Variants in RBM44 observed in about 807,000 individuals in gnomAD.
The protein encoded by RBM44 is RNA-binding protein 44.
In RBM44, 66 loss-of-function variants were observed where a neutral mutation model predicts 105.1. The observed-to-expected ratio is 0.63, with a 90% CI of 0.52 to 0.77. The LOEUF (loss-of-function observed/expected upper bound fraction) is 0.77, where lower values mean the gene tolerates loss of function less well. Ranked by LOEUF, RBM44 falls within the 30% of genes least tolerant of loss-of-function variation. The pLI, the probability that RBM44 is intolerant of heterozygous loss-of-function variation, is 0.00. For synonymous variants in RBM44, 365 were observed against 417.6 expected (o/e 0.87, Z 1.54); for missense variants, 1,122 against 1,207.8 (o/e 0.93, Z 1.05).
chr2:237,804,594 C>T (rs1048866734), intron 1 of RBM44, among the ~76,000 whole-genome samples: 5 of 152,094 alleles, frequency 3.3e-5, no homozygotes, highest in East Asian at 1.9e-4. Flanking sequence ...TCTCTTGAGA[C>T]GTGTCTGTTT....
intron 15 of RBM44, among the ~76,000 whole-genome samples, chr2:237,840,712 C>T (rs1248551145): frequency 6.6e-6 from 1 of 151,976 alleles, no homozygotes; most frequent in African/African-American, 2.4e-5. Context: ...CTGTAAGGAA[C>T]TTAAATTAAC....
rs769555509 is a variant in RBM44, at chr2:237,813,597, A to G, written c.-13A>G. ...AATATTTATACCTTTTCTAGATTATATATCTTTGAATGATGCAGGCCACTG... is the reference window on the plus strand; with the variant it reads ...AATATTTATACCTTTTCTAGATTATGTATCTTTGAATGATGCAGGCCACTG... On this transcript the variant is annotated 5_prime_UTR_variant, in exon 2 of 16. In the 5' UTR this introduces an upstream ATG that the reference lacks. Coordinates refer to ENST00000316997, the MANE Select transcript of RBM44 (RefSeq NM_001080504.3). 3.8e-6 allele frequency: 6 copies of G among 1,563,718 alleles called. No individual in the cohort carries two copies. Among genetic ancestry groups the G allele is most frequent in the Admixed American group, 1.7e-5 (1 of 59,594 alleles).
Position 237,818,075 on chromosome 2 carries a change from G to T in RBM44, c.1156G>T (p.Asp386Tyr). The change falls in exon 3 of 16, where the codon GAT becomes TAT. Residue 386 changes from aspartate (D) to tyrosine (Y), a missense_variant. By Grantham distance (160) the Asp-to-Tyr change is radical. This residue lies in a region of RBM44 where 918 missense variants were observed against 955.3 expected (regional missense o/e 0.96). Coordinates refer to ENST00000316997, the MANE Select transcript of RBM44 (RefSeq NM_001080504.3). The surrounding 1 kb of genome is among the most constrained non-coding windows in gnomAD (Gnocchi z 4.6). ...DCQTSWTSVF[D>Y]DSIISACGYY... ...TCAAACTTCCTGGACCTCTGTTTTT[G>T]ATGATTCGATAATTTCTGCCTGTGG... is the stretch of plus-strand genomic sequence containing the variant. 1 of 1,612,470 alleles carries T rather than the reference G, an allele frequency of 6.2e-7. No individual in the cohort carries two copies.
chr2:237,800,752 G>A (rs1309854181), intron 1 of RBM44, among the ~76,000 whole-genome samples: 2 of 145,752 alleles, frequency 1.4e-5, no homozygotes, highest in Admixed American at 6.9e-5. Flanking sequence ...TTGAGGCGGA[G>A]TTTCACTCTT....
chr2:237,810,340 A>G (rs1383032106), intron 1 of RBM44, among the ~76,000 whole-genome samples: 1 of 152,220 alleles, frequency 6.6e-6, no homozygotes. Flanking sequence ...ATATGCATTC[A>G]TTTTAACAAA....
chr2:237,820,068 A>T, intron 4 of RBM44, 107 bp from the exon 5 acceptor site: 1 of 571,096 alleles, frequency 1.8e-6, no homozygotes, highest in Non-Finnish European at 2.9e-6. Flanking sequence ...AAATTGATTT[A>T]AACTTGACAG....
At chr2:237,819,206 CA>C (rs2061756386) in intron 4 of RBM44, among the ~76,000 whole-genome samples, 1 of 152,034 alleles carries the variant, frequency 6.6e-6, no homozygotes, top group African/African-American at 2.4e-5. Context: ...TTGTTCAACC[CA>C]AATCCATACT....
At chr2:237,828,502 C>G (rs960866101) in intron 12 of RBM44, among the ~76,000 whole-genome samples, 1 of 151,896 alleles carries the variant, frequency 6.6e-6, no homozygotes, top group Non-Finnish European at 1.5e-5. Flanking sequence ...TTTTTTCTTA[C>G]TTGAAGTATT....
intron 8 of RBM44, among the ~76,000 whole-genome samples, chr2:237,822,699 G>A (rs988502697): frequency 2.0e-5 from 3 of 152,140 alleles, no homozygotes; most frequent in Admixed American, 2.0e-4. Context: ...GGTATAACCT[G>A]TTTATTTAGG....
chr2:237,834,052 C>T lies in RBM44; in HGVS notation c.2942C>T (p.Pro981Leu). The T allele has an allele frequency of 6.4e-7, 1 of 1,573,222 alleles. No homozygotes were observed. The highest frequency in any genetic ancestry group is 8.6e-7 in the Non-Finnish European group (1 of 1,156,540). ...IESAKLLPDT[P>L]VQFIPPNTLN... ...TCTGCTAAATTATTACCTGATACAC[C>T]CGTTCAATTCATACCTCCAAATACA... Residue 981 changes from proline (P) to leucine (L), a missense_variant, in exon 14 of 16, where the codon CCC becomes CTC. Transcript: ENST00000316997.
intron 12 of RBM44, among the ~76,000 whole-genome samples, chr2:237,828,294 G>A (rs2061868863): frequency 6.6e-6 from 1 of 152,050 alleles, no homozygotes; most frequent in Admixed American, 6.6e-5. Flanking sequence ...GATCCTGTTT[G>A]TAGTTGGGGT....
In RBM44 at chr2:237,829,492, C is replaced by T; in HGVS notation, c.2876C>T (p.Pro959Leu). 1.9e-6 allele frequency: 3 copies of T among 1,611,128 alleles called. No homozygotes were observed. The highest frequency in any genetic ancestry group is 2.2e-5 in the East Asian group (1 of 44,860). The change falls in exon 13 of 16, where the codon CCT (proline) becomes CTT (leucine). Residue 959 changes from proline to leucine, a missense_variant. Coordinates refer to ENST00000316997, the MANE Select transcript of RBM44 (RefSeq NM_001080504.3). The stretch of plus-strand genomic sequence containing the variant: ...TCTGAGCAAGACAGTGAGGTTTTCC[C>T]TTCCGACCAGGTTAGTGTTTTTGAT... ...LGSEQDSEVF[P>L]SDQGVKKNCK...
chr2:237,827,387 G>A (rs372759637), intron 11 of RBM44, 46 bp from the exon 12 acceptor site: 1 of 1,461,910 alleles, frequency 6.8e-7, no homozygotes, highest in East Asian at 2.4e-5. Flanking sequence ...GTTCATATTT[G>A]TTGTTTTTTT....
intron 1 of RBM44, among the ~76,000 whole-genome samples, chr2:237,799,598 G>A (rs1472561464): frequency 3.9e-5 from 6 of 152,144 alleles, no homozygotes; most frequent in African/African-American, 9.7e-5. Flanking sequence ...GAGCCACCGC[G>A]CCCGGCCAGG....
At chr2:237,816,763 C>A (rs2061721769) in intron 2 of RBM44, among the ~76,000 whole-genome samples, 1 of 152,100 alleles carries the variant, frequency 6.6e-6, no homozygotes, top group Admixed American at 6.6e-5. Flanking sequence ...CTCATGTAAA[C>A]CTAATTACCT....
rs2061882584 is a variant in RBM44 at position 237,829,492 on chromosome 2, C to A, written c.2876C>A (p.Pro959His). The A allele has an allele frequency of 5.6e-6, 9 of 1,611,128 alleles. No individual in the cohort carries two copies. Among genetic ancestry groups the A allele is most frequent in the Non-Finnish European group, 5.9e-6 (7 of 1,178,708 alleles). The change falls in exon 13 of 16, where the codon CCT becomes CAT. Residue 959 changes from proline to histidine, a missense_variant. Pro to His is a moderately conservative substitution (Grantham distance 77, BLOSUM62 -2). Coordinates refer to ENST00000316997, the MANE Select transcript of RBM44 (RefSeq NM_001080504.3). ...LGSEQDSEVFPSDQGVKKNCK... is the reference protein window; with the variant it reads ...LGSEQDSEVFHSDQGVKKNCK... ...TCTGAGCAAGACAGTGAGGTTTTCC[C>A]TTCCGACCAGGTTAGTGTTTTTGAT...
chr2:237,799,954 C>T lies in RBM44; in HGVS notation c.-19+1093C>T, dbSNP rs561778912. On this transcript the variant is annotated intron_variant, in intron 1 of 15. Coordinates refer to ENST00000316997, the MANE Select transcript of RBM44 (RefSeq NM_001080504.3). ...GTTTCGTGCACTGGAGGAAATAGTT[C>T]GGTAAGTGAGAACTCAAAGAAAATA... 7.2e-5 allele frequency among the ~76,000 whole-genome samples: 11 copies of T among 152,094 alleles called. No individual in the cohort carries two copies. The South Asian group carries it at 2.1e-3, about 29-fold the overall frequency.
At chr2:237,826,554 G>C (rs190613972) in intron 10 of RBM44, among the ~76,000 whole-genome samples, 19 of 151,946 alleles carry the variant, frequency 1.3e-4, no homozygotes, top group African/African-American at 4.6e-4. Context: ...AGGTTTTCTT[G>C]GTGTGATGTT....
At chr2:237,831,781 C>G (rs541340751) in intron 13 of RBM44, among the ~76,000 whole-genome samples, 1 of 152,310 alleles carries the variant, frequency 6.6e-6, no homozygotes, top group East Asian at 1.9e-4. Flanking sequence ...CTGTTTGACA[C>G]TGTTCATCCC....
Sources: allele counts gnomAD v4.1 joint callset (sites outside exome capture counted in the v4.1 genomes callset), GRCh38; gene constraint gnomAD v4.1.1; regional missense constraint gnomAD v4.1.1; non-coding constraint Gnocchi (gnomAD v3.1); transcripts MANE v1.5; gene names NCBI Gene and HGNC (gene_info 2026-07-23, HGNC 2026-07-21).